Variants in DOK7 observed in about 807,000 individuals in gnomAD.
DOK7 encodes docking protein 7.
In DOK7, 32 loss-of-function variants were observed where a neutral mutation model predicts 30.7. That is an observed-to-expected ratio of 1.04 (90% CI 0.79 to 1.40). The LOEUF (loss-of-function observed/expected upper bound fraction) is 1.40, where lower values mean the gene tolerates loss of function less well. DOK7 is among the 40% of genes most tolerant of loss of function. The probability of loss-of-function intolerance (pLI) is 0.00; values close to 1 mark genes in which losing one functional copy is unlikely to be tolerated. For missense variants in DOK7, 1,007 were observed against 699.2 expected, an observed-to-expected ratio of 1.44 and a Z score of -4.97; for synonymous variants, 447 against 324.1, an observed-to-expected ratio of 1.38 and a Z score of -4.07.
rs1278163856 is a variant in DOK7, at chr4:3,501,059, T to C, written c.*234T>C. 8 of 633,450 alleles carry C rather than the reference T, an allele frequency of 1.3e-5. No individual in the cohort carries two copies. In the East Asian group the frequency reaches 2.2e-4, roughly 17 times the overall value. The allele number at this position is 633,450 out of a possible 1,614,324, so 39.2% of individuals were successfully genotyped here. A position where few individuals can be genotyped will look rare whatever the true frequency, so the allele number is the denominator to read the frequency against. On this transcript the variant is annotated 3_prime_UTR_variant, in exon 8 of 8. Transcript: ENST00000643608. ...ACCCTTCGGCCTGAAAGAGTTGCTC[T>C]GGACCCCAGGCTGACTGAGGCCCTG... is the stretch of plus-strand genomic sequence containing the variant.
chr4:3,498,827 T>TCCCCAGGG (rs1345911931), downstream of DOK7, among the ~76,000 whole-genome samples: 1 of 152,230 alleles, frequency 6.6e-6, no homozygotes, highest in Non-Finnish European at 1.5e-5. Context: ...GAGGGGGGTC[T>TCCCCAGGG]CCCCAGGGCC....
At chr4:3,471,850 CT>C (rs1560208650) in intron 2 of DOK7, among the ~76,000 whole-genome samples, 1 of 152,232 alleles carries the variant, frequency 6.6e-6, no homozygotes, top group Non-Finnish European at 1.5e-5. Context: ...GAATGCCTAG[CT>C]TTTTTCTAGC....
chr4:3,484,809 T>C (rs1302448920), intron 4 of DOK7: 56 of 985,404 alleles, frequency 5.7e-5, no homozygotes, highest in Non-Finnish European at 6.6e-5. Flanking sequence ...GACGCGGTGC[T>C]GGCCAGCAGT....
chr4:3,489,696 C>G lies in DOK7; in HGVS notation c.672C>G (p.Pro224=). ...PVLPDPSPPG[P]STVEERVAQE... is the part of the protein sequence containing the mutation. ...CCACAGACCCAAGTCCCCCGGGACC[C>G]TCGACTGTGGAGGAGCGTGTGGCCC... The change falls in exon 6 of 7, where the codon CCC becomes CCG. Residue 224 remains proline, a synonymous_variant. Coordinates refer to ENST00000340083, the MANE Select transcript of DOK7 (RefSeq NM_173660.5). The G allele has an allele frequency of 6.4e-7, 1 of 1,564,606 alleles. No homozygotes were observed. Among genetic ancestry groups the G allele is most frequent in the Non-Finnish European group, 8.7e-7 (1 of 1,154,744 alleles).
intron 5 of DOK7, among the ~76,000 whole-genome samples, chr4:3,487,107 G>C (rs558109305): frequency 6.6e-6 from 1 of 152,198 alleles, no homozygotes; most frequent in Non-Finnish European, 1.5e-5. Flanking sequence ...CCACTCCACA[G>C]GACATCTTTG....
downstream of DOK7, among the ~76,000 whole-genome samples, chr4:3,498,910 G>C (rs539876950): frequency 1.3e-5 from 2 of 152,228 alleles, no homozygotes; most frequent in African/African-American, 2.4e-5. Flanking sequence ...GCGAACCCTC[G>C]TCGACCTGGG....
exon 8 of DOK7, chr4:3,500,722 A>T: frequency 2.6e-6 from 4 of 1,535,696 alleles, no homozygotes; most frequent in African/African-American, 1.4e-5. Flanking sequence ...GCCCAGATCG[A>T]CATCATGGCC....
intron 6 of DOK7, among the ~76,000 whole-genome samples, 173 bp from the exon 7 acceptor site, chr4:3,492,586 A>AAC (rs1728548469): frequency 1.3e-5 from 2 of 149,866 alleles, no homozygotes; most frequent in African/African-American, 5.0e-5. Context: ...TGAGGGGTAG[A>AAC]GGGGTTGTTG....
At chr4:3,494,757 A>G (rs1244577324), downstream of DOK7, among the ~76,000 whole-genome samples, 1 of 152,166 alleles carries the variant, frequency 6.6e-6, no homozygotes. Context: ...TGGGGTCTGC[A>G]GTAGTCCCTC....
intron 2 of DOK7, among the ~76,000 whole-genome samples, chr4:3,467,740 C>T (rs1036563377): frequency 3.3e-5 from 5 of 152,158 alleles, no homozygotes; most frequent in Non-Finnish European, 7.3e-5. Context: ...GCGGCTCAGA[C>T]GACAGCCAGT....
At chr4:3,479,870 C>T (rs1342142571) in intron 4 of DOK7, among the ~76,000 whole-genome samples, 2 of 152,220 alleles carry the variant, frequency 1.3e-5, no homozygotes, top group East Asian at 1.9e-4. Context: ...CTGTTGGTCA[C>T]GGGCCTGTAG....
intron 4 of DOK7, among the ~76,000 whole-genome samples, chr4:3,481,834 T>C (rs2109358011): frequency 6.6e-6 from 1 of 152,326 alleles, no homozygotes; most frequent in Non-Finnish European, 1.5e-5. Flanking sequence ...AGGAGCATTT[T>C]CTTTCTCAAG....
At chr4:3,491,309 GCCTTCTCCCCCTGCTCATTCATTCCTT>G (rs1218868377) in intron 6 of DOK7, among the ~76,000 whole-genome samples, 6 of 21,444 alleles carry the variant, frequency 2.8e-4, no homozygotes, top group East Asian at 2.4e-3. Context: ...ATTCATTCCT[GCCTTCTCCCCCTGCTCATTCATTCCTT>G]CCTTCTTCGC....
intron 7 of DOK7, chr4:3,500,465 C>G (rs1484206869): frequency 6.6e-7 from 1 of 1,521,538 alleles, no homozygotes; most frequent in East Asian, 2.5e-5. Context: ...GCCTCAGGGC[C>G]CTGAGCCCCC....
intron 2 of DOK7, among the ~76,000 whole-genome samples, chr4:3,468,240 ATG>A (rs1193805246): frequency 7.3e-6 from 1 of 137,724 alleles, no homozygotes; most frequent in East Asian, 2.2e-4. Flanking sequence ...GTGGGGGTGT[ATG>A]TGTGCAAGTG....
chr4:3,488,767 G>A (rs761867708), intron 5 of DOK7, among the ~76,000 whole-genome samples: 8 of 151,632 alleles, frequency 5.3e-5, no homozygotes, highest in African/African-American at 1.2e-4. Flanking sequence ...GGACGGGGTC[G>A]GTTTGCTCTT....
chr4:3,463,443 G>A lies in DOK7; in HGVS notation c.54+14G>A. 1 of 1,353,644 alleles carries A rather than the reference G, an allele frequency of 7.4e-7. No homozygotes were observed. The highest frequency in any genetic ancestry group is 9.4e-7 in the Non-Finnish European group (1 of 1,059,686). 83.9% of individuals were successfully genotyped at this position (1,353,644 alleles called of 1,614,324 possible). A position where few individuals can be genotyped will look rare whatever the true frequency, so the allele number is the denominator to read the frequency against. ...GACGGCAAGAAGGTCGGGGCGCGTC[G>A]GGGGCGCGGGGGGGGGGGGCGCGGG... On this transcript the variant is annotated intron_variant, in intron 1 of 6. Coordinates refer to ENST00000340083, the MANE Select transcript of DOK7 (RefSeq NM_173660.5).
intron 6 of DOK7, among the ~76,000 whole-genome samples, chr4:3,490,116 A>ATTCCTTTCTTCACCCCCTCATTCC (rs1728139829): frequency 1.4e-5 from 1 of 71,378 alleles, no homozygotes; most frequent in Non-Finnish European, 2.8e-5. Flanking sequence ...ACCCCCATTC[A>ATTCCTTTCTTCACCCCCTCATTCC]TTCCTTTTCT....
Position 3,493,589 on chromosome 4 carries a change from G to GTGCTCTGTGTTCTGT in DOK7, c.*89_*103dup. The GTGCTCTGTGTTCTGT allele has an allele frequency of 6.5e-7, 1 of 1,549,432 alleles. No individual in the cohort carries two copies. The highest frequency in any genetic ancestry group is 8.7e-7 in the Non-Finnish European group (1 of 1,146,884). ...GTGGCGCCAGCCTCCTTGCAGACTG[G>GTGCTCTGTGTTCTGT]TGCTCTGTGTTCTGTGGGAGGGACC... On this transcript the variant is annotated 3_prime_UTR_variant, in exon 7 of 7. Transcript: ENST00000340083.
Sources: allele counts gnomAD v4.1 joint callset (sites outside exome capture counted in the v4.1 genomes callset), GRCh38; gene constraint gnomAD v4.1.1; transcripts MANE v1.5; gene names NCBI Gene and HGNC (gene_info 2026-07-23, HGNC 2026-07-21).